Variants in PIGO observed in about 807,000 individuals in gnomAD.
PIGO encodes phosphatidylinositol glycan anchor biosynthesis class O.
A neutral mutation model predicts 86.9 loss-of-function variants in PIGO; 66 were observed. That is an observed-to-expected ratio of 0.76 (90% CI 0.62 to 0.93). The LOEUF (loss-of-function observed/expected upper bound fraction) is 0.93. Among genes scored for constraint, PIGO ranks in the 40% least tolerant of loss-of-function variants. The probability of loss-of-function intolerance (pLI) is 0.00; values close to 1 mark genes in which losing one functional copy is unlikely to be tolerated. For missense variants in PIGO, 1,202 were observed against 1,359.1 expected (o/e 0.88, Z 1.82); for synonymous variants, 570 against 556.4 (o/e 1.02, Z -0.34).
rs765723177 is a variant in PIGO, at chr9:35,093,906, CA to C, written c.773del (p.Val258GlyfsTer16). On this transcript the variant is annotated frameshift_variant, in exon 4 of 11. Coordinates refer to ENST00000378617, the MANE Select transcript of PIGO (RefSeq NM_032634.4). LOFTEE classifies it high-confidence loss of function. Reference protein sequence around the residue: ...MAKKLSQMDQVIQGLVERLEN... With the variant: ...MAKKLSQMDQXIQGLVERLEN... ...AGCCAATACCCCACACTCACTGGAT[CA>C]CCTGGTCCATCTGGCTAAGTTTCTT... 14 of 1,613,942 alleles carry C rather than the reference CA, an allele frequency of 8.7e-6. No homozygotes were observed. The highest frequency in any genetic ancestry group is 1.1e-5 in the Non-Finnish European group (13 of 1,179,976).
In PIGO at chr9:35,092,531, C is replaced by T. The variant is rs759532728; in HGVS notation, c.1356G>A (p.Ala452=). Residue 452 remains alanine (A), a synonymous_variant, in exon 7 of 11, where the codon GCG becomes GCA. Transcript: ENST00000378617. ...SWARFSLVRM[A]GGTALLAASC... is the part of the protein sequence containing the mutation. ...AAGCAGCCAAGAGAGCAGTACCCCC[C>T]GCCATGCGGACCAGAGAGAAACGAG... The T allele has an allele frequency of 1.1e-5, 18 of 1,614,202 alleles. No individual in the cohort carries two copies. Among genetic ancestry groups the T allele is most frequent in the African/African-American group, 1.3e-5 (1 of 75,074 alleles).
chr9:35,092,437 G>A lies in PIGO; in HGVS notation c.1450C>T (p.Leu484=). Residue 484 remains leucine, a synonymous_variant, in exon 7 of 11, where the codon CTG becomes TTG. Coordinates refer to ENST00000378617, the MANE Select transcript of PIGO (RefSeq NM_032634.4). Reference sequence around the variant, plus strand: ...ACCAGGCCCCAGGCCACAGGTGTCAGGAGTAGAGGGCAGAATGGAAAGCCT... The same window carrying A: ...ACCAGGCCCCAGGCCACAGGTGTCAAGAGTAGAGGGCAGAATGGAAAGCCT... The part of the protein sequence containing the change: ...SPGFPFCPLL[L]TPVAWGLVGA... The A allele has an allele frequency of 6.2e-7, 1 of 1,614,268 alleles. No individual in the cohort carries two copies. Among genetic ancestry groups the A allele is most frequent in the South Asian group, 1.1e-5 (1 of 91,086 alleles).
chr9:35,089,851 G>C, intron 9 of PIGO: 5 of 1,416,990 alleles, frequency 3.5e-6, no homozygotes, highest in Non-Finnish European at 4.6e-6. Context: ...GCGGGGTCCA[G>C]ATCTAGGTTG....
chr9:35,095,009 G>GA, intron 2 of PIGO, 46 bp downstream of exon 2: 1 of 1,532,968 alleles, frequency 6.5e-7, no homozygotes, highest in Non-Finnish European at 8.8e-7. Flanking sequence ...AAATTTTGAA[G>GA]AAATTTGCCA....
chr9:35,090,883 G>T (rs1587160677), intron 7 of PIGO: 2 of 592,348 alleles, frequency 3.4e-6, no homozygotes, highest in Non-Finnish European at 2.9e-6. Context: ...TCCTGCTATG[G>T]CCAATCTCTT....
intron 7 of PIGO, 161 bp downstream of exon 7, chr9:35,091,079 G>T: frequency 1.3e-6 from 1 of 795,830 alleles, no homozygotes; most frequent in Non-Finnish European, 1.9e-6. Context: ...GCTTGGCTAT[G>T]GCAGGTAAGA....
Position 35,093,923 on chromosome 9 carries a change from T to A in PIGO, c.757A>T (p.Ser253Cys). 6.2e-7 allele frequency: 1 copy of A among 1,614,158 alleles called. No homozygotes were observed. The highest frequency in any genetic ancestry group is 1.3e-5 in the African/African-American group (1 of 75,036). Reference sequence around the variant, plus strand: ...CACTGGATCACCTGGTCCATCTGGCTAAGTTTCTTGGCCATTTCAGGGTGG... The same window carrying A: ...CACTGGATCACCTGGTCCATCTGGCAAAGTTTCTTGGCCATTTCAGGGTGG... ...PHHPEMAKKL[S>C]QMDQVIQGLV... is the part of the protein sequence containing the mutation. The change falls in exon 4 of 11, where the codon AGC becomes TGC. Residue 253 changes from serine (S) to cysteine (C), a missense_variant. Transcript: ENST00000378617.
Position 35,091,330 on chromosome 9 carries a change from C to A in PIGO, c.2557G>T (p.Glu853Ter), listed in dbSNP as rs866472484. The change falls in exon 7 of 11, where the codon GAG (glutamate) becomes TAG (stop). Residue 853 changes from glutamate to a stop codon, truncating the protein, a stop_gained. Coordinates refer to ENST00000378617, the MANE Select transcript of PIGO (RefSeq NM_032634.4). LOFTEE classifies it high-confidence loss of function. ...AGCAGGAACACAAGGCTGATGCGCT[C>A]CGCATGCAACAGCAGAAGTGGGAAG... is the stretch of plus-strand genomic sequence containing the variant. ...LAFPLLLLHA[E>*]RISLVFLLLF... The A allele has an allele frequency of 1.9e-6, 3 of 1,614,084 alleles. No homozygotes were observed. The African/African-American group carries it at 4.0e-5, about 22-fold the overall frequency.
rs761748734 is a variant in PIGO at position 35,095,507 on chromosome 9, C to T, written c.59G>A (p.Gly20Asp). The T allele has an allele frequency of 1.2e-6, 2 of 1,609,862 alleles. No individual in the cohort carries two copies. Residue 20 changes from glycine to aspartate, a missense_variant, in exon 2 of 11, where the codon GGC (glycine) becomes GAC (aspartate). Gly to Asp is a moderately conservative substitution (Grantham distance 94). Transcript: ENST00000378617. ...LAWVCFLFYA[G>D]IALFTSGFLL... ...GAAGCCACTGGTGAAGAGGGCAATG[C>T]CAGCGTAGAAGAGGAAGCAGACCCA...
Position 35,089,038 on chromosome 9 carries a change from C to T in PIGO, c.*54G>A, listed in dbSNP as rs1280804859. ...TCATCCAGTACCTGTACAGGCCAGG[C>T]TACACTGTTCTCAAGCACTCTCTGT... On this transcript the variant is annotated 3_prime_UTR_variant, in exon 11 of 11. Coordinates refer to ENST00000378617, the MANE Select transcript of PIGO (RefSeq NM_032634.4). 3 of 1,610,164 alleles carry T rather than the reference C, an allele frequency of 1.9e-6. No individual in the cohort carries two copies. The African/African-American group carries it at 4.0e-5, about 22-fold the overall frequency.
chr9:35,092,767 C>G lies in PIGO; in HGVS notation c.1120G>C (p.Val374Leu), dbSNP rs1587168605. Reference sequence around the variant, plus strand: ...GAGTAGGTATGAAGAAATCGGGACACCTGGCAGAGAAAAGGTCAGAGGCCA... The same window carrying G: ...GAGTAGGTATGAAGAAATCGGGACAGCTGGCAGAGAAAAGGTCAGAGGCCA... ...ASALHLNAQQVSRFLHTYSAA... is the reference protein window; with the variant it reads ...ASALHLNAQQLSRFLHTYSAA... The change falls in exon 7 of 11, where the codon GTG (valine) becomes CTG (leucine). Residue 374 changes from valine to leucine, a missense_variant and splice_region_variant. Val to Leu is a conservative substitution (Grantham distance 32, BLOSUM62 1). Coordinates refer to ENST00000378617, the MANE Select transcript of PIGO (RefSeq NM_032634.4). The G allele has an allele frequency of 1.9e-6, 3 of 1,600,688 alleles. No homozygotes were observed. The highest frequency in any genetic ancestry group is 1.7e-6 in the Non-Finnish European group (2 of 1,175,174).
In PIGO at chr9:35,093,054, T is replaced by A. The variant is rs771034645; in HGVS notation, c.1095A>T (p.Ser365=). ...QPHSSALAQA[S]ALHLNAQQVS... ...CCTGCTGAGCATTGAGATGGAGAGC[T>A]GAGGCTTGGGCTAAAGCAGAGGAGT... The change falls in exon 6 of 11, where the codon TCA becomes TCT. Residue 365 remains serine, a synonymous_variant. Coordinates refer to ENST00000378617, the MANE Select transcript of PIGO (RefSeq NM_032634.4). The A allele has an allele frequency of 1.4e-5, 22 of 1,611,436 alleles. No homozygotes were observed. The Middle Eastern group carries it at 4.9e-4, about 36-fold the overall frequency.
At position 35,090,609 on chromosome 9, in the gene PIGO, T is replaced by C; in HGVS notation, c.2711A>G (p.Tyr904Cys). ...AAAGACAGGCTGGTGGCCTGTGGAGTAGAAGGTCTGTGTGGCCATGAGGGC... is the reference window on the plus strand; with the variant it reads ...AAAGACAGGCTGGTGGCCTGTGGAGCAGAAGGTCTGTGTGGCCATGAGGGC... ...AWALMATQTF[Y>C]STGHQPVFPA... The change falls in exon 8 of 11, where the codon TAC becomes TGC. Residue 904 changes from tyrosine to cysteine, a missense_variant. Tyr to Cys is a radical substitution (Grantham distance 194). Coordinates refer to ENST00000378617, the MANE Select transcript of PIGO (RefSeq NM_032634.4). The C allele has an allele frequency of 1.2e-6, 2 of 1,613,844 alleles. No individual in the cohort carries two copies. Among genetic ancestry groups the C allele is most frequent in the Non-Finnish European group, 1.7e-6 (2 of 1,179,998 alleles).
chr9:35,089,583 G>A, intron 9 of PIGO, 133 bp from the exon 10 acceptor site: 2 of 1,501,102 alleles, frequency 1.3e-6, no homozygotes, highest in Admixed American at 2.2e-5. Context: ...AATATTGCAT[G>A]TCCTGGGCTA....
Position 35,094,485 on chromosome 9 carries a change from T to A in PIGO, c.512-126A>T, listed in dbSNP as rs1040681268. ...TGCAACCTAAAGTACAGCAATTCCATACAGCAATCCTTATCCTTCAGGGCC... is the reference window on the plus strand; with the variant it reads ...TGCAACCTAAAGTACAGCAATTCCAAACAGCAATCCTTATCCTTCAGGGCC... On this transcript the variant is annotated intron_variant, in intron 2 of 10. Coordinates refer to ENST00000378617, the MANE Select transcript of PIGO (RefSeq NM_032634.4). 2.0e-4 allele frequency: 215 copies of A among 1,076,752 alleles called. 2 individuals carry two copies. The highest frequency in any genetic ancestry group is 3.0e-5 in the Non-Finnish European group (23 of 760,410). 66.7% of individuals were successfully genotyped at this position (1,076,752 alleles called of 1,614,324 possible). A position where few individuals can be genotyped will look rare whatever the true frequency, so the allele number is the denominator to read the frequency against.
chr9:35,089,616 G>A, intron 9 of PIGO, 166 bp from the exon 10 acceptor site: 1 of 1,458,552 alleles, frequency 6.9e-7, no homozygotes, highest in Non-Finnish European at 9.0e-7. Flanking sequence ...CCTACTTCCT[G>A]CCCTGCCCCA....
Position 35,095,125 on chromosome 9 carries a change from A to C in PIGO, c.441T>G (p.Ile147Met). 6.2e-7 allele frequency: 1 copy of C among 1,614,058 alleles called. No homozygotes were observed. ...GGCTGGCGAAGTTACTACCAGCATCAATAAAGGTAGGCAGTGAGCCAGTGG... is the reference window on the plus strand; with the variant it reads ...GGCTGGCGAAGTTACTACCAGCATCCATAAAGGTAGGCAGTGAGCCAGTGG... Reference protein sequence around the residue: ...ALTTGSLPTFIDAGSNFASHA... With the variant: ...ALTTGSLPTFMDAGSNFASHA... The change falls in exon 2 of 11, where the codon ATT becomes ATG. Residue 147 changes from isoleucine to methionine, a missense_variant. Physicochemically the swap from Ile to Met is conservative, Grantham distance 10. Coordinates refer to ENST00000378617, the MANE Select transcript of PIGO (RefSeq NM_032634.4).
rs1479047885 is a variant in PIGO at position 35,095,360 on chromosome 9, C to T, written c.206G>A (p.Arg69Gln). 7 of 1,614,052 alleles carry T rather than the reference C, an allele frequency of 4.3e-6. No homozygotes were observed. In the Admixed American group the frequency reaches 5.0e-5, roughly 12 times the overall value. The part of the protein sequence containing the change: ...GACWMASRFS[R>Q]VVLVLIDALR... ...AGCATCTATCAGCACCAACACAACCCGCGAAAATCGGGAAGCCATCCAGCA... is the reference window on the plus strand; with the variant it reads ...AGCATCTATCAGCACCAACACAACCTGCGAAAATCGGGAAGCCATCCAGCA... Residue 69 changes from arginine to glutamine, a missense_variant, in exon 2 of 11, where the codon CGG becomes CAG. Coordinates refer to ENST00000378617, the MANE Select transcript of PIGO (RefSeq NM_032634.4).
chr9:35,094,307 A>C lies in PIGO; in HGVS notation c.564T>G (p.Gly188=). 6.2e-7 allele frequency: 1 copy of C among 1,607,902 alleles called. No homozygotes were observed. Among genetic ancestry groups the C allele is most frequent in the African/African-American group, 1.3e-5 (1 of 74,444 alleles). ...GDDTWKDLFP[G]AFSKAFFFPS... ...GGAAGAAGAAAGCTTTGGAGAAAGC[A>C]CCAGGGAAAAGGTCTTTCCAGGTAT... Residue 188 remains glycine, a synonymous_variant, in exon 3 of 11, where the codon GGT becomes GGG. Transcript: ENST00000378617.
Sources: gnomAD v4.1 joint callset for allele counts on GRCh38, gnomAD v4.1.1 for gene constraint, MANE v1.5 for transcripts, NCBI Gene and HGNC (gene_info 2026-07-23, HGNC 2026-07-21) for gene names.